Variants in MTCL3 observed in about 807,000 individuals in gnomAD.
MTCL3 encodes MTCL family member 3.
At chr6:127,482,334 G>A in the MTCL3 span, among the ~76,000 whole-genome samples, 5 of 152,088 alleles carry the variant, frequency 3.3e-5, no homozygotes, top group Admixed American at 3.3e-4. This position sits in a 1 kb window ranked among gnomAD's most constrained non-coding sequence, Gnocchi z 4.1. Context: ...ACAACCATTG[G>A]CACCTCTTTT....
chr6:127,483,944 A>G, the MTCL3 span, among the ~76,000 whole-genome samples: 99,905 of 152,082 alleles, frequency 0.66, 33,040 homozygotes, highest in East Asian at 0.74. Flanking sequence ...TACAGTGCAA[A>G]TTGATAAATG....
chr6:127,512,990 T>C, the MTCL3 span: 1 of 1,611,810 alleles, frequency 6.2e-7, no homozygotes, highest in Non-Finnish European at 8.5e-7. Context: ...CTGTTGTTGT[T>C]CTCTTTTCTT....
At chr6:127,510,017 T>C in the MTCL3 span, among the ~76,000 whole-genome samples, 1 of 152,158 alleles carries the variant, frequency 6.6e-6, no homozygotes, top group South Asian at 2.1e-4. Flanking sequence ...TGGTTTTCCT[T>C]TATTATATTT....
At chr6:127,487,911 C>A in the MTCL3 span, among the ~76,000 whole-genome samples, 1 of 152,232 alleles carries the variant, frequency 6.6e-6, no homozygotes, top group South Asian at 2.1e-4. Context: ...CAACCCAGAC[C>A]AATTAAAACA....
chr6:127,475,196 C>T, the MTCL3 span: 3 of 1,339,920 alleles, frequency 2.2e-6, no homozygotes, highest in East Asian at 4.9e-5. The surrounding 1 kb of genome is among the most constrained non-coding windows in gnomAD (Gnocchi z 7.3). Context: ...TTCCCTCAAG[C>T]GGGGCGCGGC....
At chr6:127,508,037 G>T in the MTCL3 span, among the ~76,000 whole-genome samples, 1 of 151,894 alleles carries the variant, frequency 6.6e-6, no homozygotes, top group African/African-American at 2.4e-5. Context: ...ATGTGTAATT[G>T]ATGCATCTAA....
the MTCL3 span, among the ~76,000 whole-genome samples, chr6:127,510,376 A>G: frequency 1.3e-5 from 2 of 152,104 alleles, no homozygotes; most frequent in African/African-American, 2.4e-5. Context: ...GAGCAAAAGA[A>G]TCAAGGAAAC....
At chr6:127,515,560 A>C in the MTCL3 span, 2 of 1,461,822 alleles carry the variant, frequency 1.4e-6, no homozygotes, top group Non-Finnish European at 1.8e-6. The surrounding 1 kb of genome is among the most constrained non-coding windows in gnomAD (Gnocchi z 4.3). Context: ...CTCCTCTTGC[A>C]TTTCTTCCTG....
chr6:127,506,051 G>T, the MTCL3 span, among the ~76,000 whole-genome samples: 1 of 152,112 alleles, frequency 6.6e-6, no homozygotes, highest in East Asian at 1.9e-4. Flanking sequence ...AAAAACTGAG[G>T]CCTATAAATT....
At chr6:127,504,895 G>A in the MTCL3 span, among the ~76,000 whole-genome samples, 1 of 152,202 alleles carries the variant, frequency 6.6e-6, no homozygotes, top group African/African-American at 2.4e-5. Context: ...TGCGGTGAGA[G>A]CCTGGCAGCC....
At chr6:127,516,024 T>C in the MTCL3 span, 1 of 1,580,738 alleles carries the variant, frequency 6.3e-7, no homozygotes. Flanking sequence ...CGCCTTTCCC[T>C]CGCCAGCCCC....
the MTCL3 span, among the ~76,000 whole-genome samples, chr6:127,490,572 A>C: frequency 3.9e-5 from 6 of 152,012 alleles, no homozygotes; most frequent in Non-Finnish European, 7.4e-5. Flanking sequence ...TAATCCAAGC[A>C]CTTTGGGAGC....
chr6:127,516,296 G>T, the MTCL3 span: 1 of 1,558,230 alleles, frequency 6.4e-7, no homozygotes. Flanking sequence ...GGCGCCAGGG[G>T]CGTCGCCTTC....
the MTCL3 span, chr6:127,516,215 C>T: frequency 7.0e-7 from 1 of 1,431,882 alleles, no homozygotes; most frequent in Admixed American, 3.0e-5. Context: ...CCGCCCAAAG[C>T]GGCCAGGGTC....
At chr6:127,496,419 A>T in the MTCL3 span, among the ~76,000 whole-genome samples, 1 of 152,234 alleles carries the variant, frequency 6.6e-6, no homozygotes, top group South Asian at 2.1e-4. Context: ...AACATCAGTG[A>T]AATTCAAACA....
At chr6:127,515,989 C>A in the MTCL3 span, 1 of 1,599,890 alleles carries the variant, frequency 6.3e-7, no homozygotes, top group South Asian at 1.1e-5. The surrounding 1 kb of genome is among the most constrained non-coding windows in gnomAD (Gnocchi z 4.3). Context: ...CTCCCCGCCG[C>A]TGCCGCCCCT....
At chr6:127,481,604 C>G in the MTCL3 span, 2 of 431,434 alleles carry the variant, frequency 4.6e-6, no homozygotes, top group East Asian at 1.6e-4. Flanking sequence ...TTTAAAATCA[C>G]TTTAGTTAAA....
chr6:127,506,543 A>G, the MTCL3 span, among the ~76,000 whole-genome samples: 1 of 152,114 alleles, frequency 6.6e-6, no homozygotes, highest in Admixed American at 6.5e-5. Context: ...CAATAGTTTT[A>G]TGGCTTTATT....
At chr6:127,516,269 C>T in the MTCL3 span, 1 of 1,487,184 alleles carries the variant, frequency 6.7e-7, no homozygotes, top group Non-Finnish European at 8.9e-7. Context: ...TGGACAGCTC[C>T]CGGAGCGGCC....
Sources: gnomAD v4.1 joint callset for allele counts (sites outside exome capture counted in the v4.1 genomes callset) on GRCh38, gnomAD v4.1.1 for gene constraint, Gnocchi (gnomAD v3.1) non-coding constraint, MANE v1.5 for transcripts, NCBI Gene and HGNC (gene_info 2026-07-23, HGNC 2026-07-21) for gene names.